The following STK32B variants were observed in gnomAD, a reference collection of about 807,000 sequenced individuals.
STK32B encodes the protein serine/threonine kinase 32B.
In STK32B, 43 loss-of-function variants were observed where a neutral mutation model predicts 52.6. The ratio of observed to expected loss-of-function variants is 0.82; its 90% confidence interval spans 0.64 to 1.05. The LOEUF (loss-of-function observed/expected upper bound fraction) is 1.05, where lower values mean the gene tolerates loss of function less well. Among genes scored for constraint, STK32B ranks in the 50% least tolerant of loss-of-function variants. The pLI is 0.00. For missense variants in STK32B, 621 were observed against 534.6 expected, an observed-to-expected ratio of 1.16 and a Z score of -1.59; for synonymous variants, 238 against 204.3, an observed-to-expected ratio of 1.17 and a Z score of -1.41.
At chr4:5,347,269 C>T (rs1485497626) in intron 4 of STK32B, among the ~76,000 whole-genome samples, 2 of 152,188 alleles carry the variant, frequency 1.3e-5, no homozygotes, top group African/African-American at 4.8e-5. Context: ...ACAGCTGGCA[C>T]CTTTGTTGTG....
chr4:5,432,986 G>A (rs567539936), intron 6 of STK32B, among the ~76,000 whole-genome samples: 25 of 152,286 alleles, frequency 1.6e-4, no homozygotes, highest in African/African-American at 4.8e-4. Flanking sequence ...CATGGGAGCT[G>A]AGGTTCAGTT....
chr4:5,107,799 G>GT (rs546193319), intron 1 of STK32B, among the ~76,000 whole-genome samples: 1 of 151,898 alleles, frequency 6.6e-6, no homozygotes, highest in African/African-American at 2.4e-5. Flanking sequence ...TATCCAATGA[G>GT]TTTTTTTCTC....
intron 2 of STK32B, among the ~76,000 whole-genome samples, chr4:5,164,848 C>G (rs556468547): frequency 6.6e-6 from 1 of 152,368 alleles, no homozygotes; most frequent in Non-Finnish European, 1.5e-5. Context: ...CTTGTCTCCA[C>G]TCAGTGCATT....
intron 3 of STK32B, among the ~76,000 whole-genome samples, chr4:5,285,664 G>A (rs1425625690): frequency 6.6e-6 from 1 of 152,088 alleles, no homozygotes; most frequent in African/African-American, 2.4e-5. Flanking sequence ...AGAATTACAA[G>A]GGAAAGGAAC....
intron 11 of STK32B, among the ~76,000 whole-genome samples, chr4:5,489,628 A>ATTTTTTTTTTTTTTTTT (rs1201368525): frequency 6.6e-6 from 1 of 151,654 alleles, no homozygotes; most frequent in East Asian, 2.0e-4. Context: ...TTTATTTTTT[A>ATTTTTTTTTTTTTTTTT]TTATTTTTTT....
At chr4:5,316,817 T>TAATATATATAA (rs1730880427) in intron 3 of STK32B, among the ~76,000 whole-genome samples, 3 of 4,706 alleles carry the variant, frequency 6.4e-4, no homozygotes, top group African/African-American at 2.7e-3. Context: ...ATATTATATA[T>TAATATATATAA]TATATCATAT....
intron 6 of STK32B, among the ~76,000 whole-genome samples, chr4:5,445,228 G>T (rs1715278540): frequency 6.6e-6 from 1 of 152,120 alleles, no homozygotes; most frequent in East Asian, 1.9e-4. Flanking sequence ...CTAGAATGTG[G>T]CTGCTGGTCA....
intron 2 of STK32B, among the ~76,000 whole-genome samples, chr4:5,140,535 A>G (rs1053125434): frequency 1.3e-5 from 2 of 152,074 alleles, no homozygotes; most frequent in African/African-American, 4.8e-5. Flanking sequence ...TCCATTTTAC[A>G]GATGGAAAAG....
intron 1 of STK32B, among the ~76,000 whole-genome samples, chr4:5,099,837 A>G (rs1002974335): frequency 2.0e-5 from 3 of 152,150 alleles, no homozygotes; most frequent in Middle Eastern, 6.8e-3. Context: ...CGGGTTTCCA[A>G]GCGGGACCTG....
intron 6 of STK32B, among the ~76,000 whole-genome samples, chr4:5,434,459 T>TAC (rs1436219910): frequency 8.0e-6 from 1 of 124,930 alleles, no homozygotes; most frequent in Non-Finnish European, 1.7e-5. Flanking sequence ...TGTGTGTATA[T>TAC]ATATATATAT....
rs538811864 is a variant in STK32B, at chr4:5,178,989, C to T, written c.260+10539C>T. On this transcript the variant is annotated intron_variant, in intron 3 of 11. Coordinates refer to ENST00000282908, the MANE Select transcript of STK32B (RefSeq NM_018401.3). The stretch of plus-strand genomic sequence containing the variant: ...TCCCTATAGCGGTGCCTTACTGCCT[C>T]GGTACCAATGTACTGTATTCATCAG... Among the ~76,000 whole-genome samples, 8 of 152,296 alleles carry T rather than the reference C, an allele frequency of 5.3e-5. No homozygotes were observed. In the South Asian group the frequency reaches 1.2e-3, roughly 24 times the overall value.
chr4:5,083,817 A>G (rs1164009376), intron 1 of STK32B, among the ~76,000 whole-genome samples: 2 of 151,820 alleles, frequency 1.3e-5, no homozygotes, highest in Admixed American at 6.6e-5. Flanking sequence ...GCTCACTGCA[A>G]CCTCCAACTC....
At chr4:5,256,929 T>C (rs1726342828) in intron 3 of STK32B, among the ~76,000 whole-genome samples, 1 of 152,200 alleles carries the variant, frequency 6.6e-6, no homozygotes, top group African/African-American at 2.4e-5. Context: ...ACAGAGCAGG[T>C]ACCCAGTGAA....
chr4:5,204,539 G>A lies in STK32B; in HGVS notation c.260+36089G>A, dbSNP rs184358434. ...GGCTGGAGAGCAATGGCATGATCTC[G>A]ACTCACTGCAATCTCCGCCTCCTGA... On this transcript the variant is annotated intron_variant, in intron 3 of 11. Coordinates refer to ENST00000282908, the MANE Select transcript of STK32B (RefSeq NM_018401.3). Among the ~76,000 whole-genome samples the A allele has an allele frequency of 3.6e-3, 547 of 151,822 alleles. 5 individuals are homozygous for A. The highest frequency in any genetic ancestry group is 8.2e-3 in the African/African-American group (338 of 41,342).
chr4:5,179,813 C>T (rs1357985055), intron 3 of STK32B, among the ~76,000 whole-genome samples: 2 of 152,210 alleles, frequency 1.3e-5, no homozygotes, highest in South Asian at 2.1e-4. Flanking sequence ...CTGATGTTGG[C>T]CTTGCACTGC....
At chr4:5,174,410 A>C (rs1451238584) in intron 3 of STK32B, among the ~76,000 whole-genome samples, 3 of 152,128 alleles carry the variant, frequency 2.0e-5, no homozygotes, top group Non-Finnish European at 4.4e-5. Flanking sequence ...TGGTCTTTAC[A>C]ATTTGGCATG....
chr4:5,289,153 G>A (rs1728726399), intron 3 of STK32B, among the ~76,000 whole-genome samples: 1 of 152,110 alleles, frequency 6.6e-6, no homozygotes, highest in Non-Finnish European at 1.5e-5. Flanking sequence ...ATTACTTCTA[G>A]GTTACAGATA....
chr4:5,359,167 T>A (rs907443836), intron 4 of STK32B, among the ~76,000 whole-genome samples: 3 of 152,072 alleles, frequency 2.0e-5, no homozygotes, highest in Non-Finnish European at 1.5e-5. Flanking sequence ...CAGATTGGGG[T>A]TAAGAGCAGG....
chr4:5,091,404 A>G (rs1360605761), intron 1 of STK32B, among the ~76,000 whole-genome samples: 4 of 152,204 alleles, frequency 2.6e-5, no homozygotes, highest in African/African-American at 7.2e-5. Context: ...CCAATTTTAA[A>G]ATGAAAAAAG....
Sources: gnomAD v4.1 joint callset for allele counts (sites outside exome capture counted in the v4.1 genomes callset) on GRCh38, gnomAD v4.1.1 for gene constraint, MANE v1.5 for transcripts, NCBI Gene and HGNC (gene_info 2026-07-23, HGNC 2026-07-21) for gene names.